MITF: variants seen among roughly 807,000 people sequenced by gnomAD.
MITF encodes microphthalmia-associated transcription factor.
A neutral mutation model predicts 60.5 loss-of-function variants in MITF; 17 were observed. That is an observed-to-expected ratio of 0.28 (90% CI 0.19 to 0.42). MITF has a LOEUF of 0.42. MITF is among the 10% of genes least tolerant of loss of function. MITF has a pLI of 1.00. For missense variants in MITF, 622 were observed against 683.5 expected, an observed-to-expected ratio of 0.91 and a Z score of 1.00; for synonymous variants, 260 against 248.5, an observed-to-expected ratio of 1.05 and a Z score of -0.43.
At chr3:69,753,681 A>G (rs895246303) in intron 1 of MITF, among the ~76,000 whole-genome samples, 5 of 151,980 alleles carry the variant, frequency 3.3e-5, no homozygotes, top group Non-Finnish European at 7.3e-5. Flanking sequence ...CATAGAGTCA[A>G]AGGAGATTAT....
chr3:69,801,020 A>G (rs1031084813), intron 1 of MITF, among the ~76,000 whole-genome samples: 3 of 151,846 alleles, frequency 2.0e-5, no homozygotes, highest in Non-Finnish European at 4.4e-5. Context: ...GGGTAATAAC[A>G]ATTCCTCTTT....
At chr3:69,757,535 G>A (rs1704195629) in intron 1 of MITF, among the ~76,000 whole-genome samples, 1 of 152,164 alleles carries the variant, frequency 6.6e-6, no homozygotes, top group African/African-American at 2.4e-5. Context: ...GAAGTGGAAT[G>A]GTGGGATGAG....
In MITF at chr3:69,851,779, A is replaced by G. The variant is rs2107179728; in HGVS notation, c.105-27355A>G. Among the ~76,000 whole-genome samples the G allele has an allele frequency of 1.3e-5, 2 of 152,300 alleles. 1 individual carries two copies. Among genetic ancestry groups the G allele is most frequent in the Non-Finnish European group, 2.9e-5 (2 of 68,022 alleles). On this transcript the variant is annotated intron_variant, in intron 1 of 9. Coordinates refer to ENST00000352241, the MANE Select transcript of MITF (RefSeq NM_001354604.2). ...ATCTCAAAACTCGAACGGAAGGTGA[A>G]TTTTAGTGTATCTAAATAAAAGTAA...
chr3:69,930,911 G>A (rs769786489), intron 2 of MITF, among the ~76,000 whole-genome samples: 12 of 152,158 alleles, frequency 7.9e-5, no homozygotes, highest in Non-Finnish European at 1.8e-4. Flanking sequence ...CTCTCAGATG[G>A]GAACAACTCA....
intron 1 of MITF, among the ~76,000 whole-genome samples, chr3:69,751,456 T>C (rs1010659653): frequency 5.3e-5 from 8 of 152,028 alleles, no homozygotes; most frequent in African/African-American, 1.9e-4. Flanking sequence ...AAGGCCAATG[T>C]CATGTAACAC....
At chr3:69,769,891 C>G (rs1255511229) in intron 1 of MITF, 3 of 152,190 alleles carry the variant, frequency 2.0e-5, no homozygotes, top group African/African-American at 7.2e-5. Context: ...TAATTGTTTA[C>G]TATAACTTTG....
chr3:69,796,777 A>G (rs1198783830), intron 1 of MITF, among the ~76,000 whole-genome samples: 1 of 152,152 alleles, frequency 6.6e-6, no homozygotes, highest in Non-Finnish European at 1.5e-5. Flanking sequence ...AAGTGCAAAC[A>G]CCGTCTTTCT....
At chr3:69,847,699 TG>T (rs950398117) in intron 1 of MITF, among the ~76,000 whole-genome samples, 4 of 152,370 alleles carry the variant, frequency 2.6e-5, no homozygotes, top group African/African-American at 9.6e-5. Flanking sequence ...TTCTTTCACA[TG>T]GAACAGGTTT....
intron 1 of MITF, chr3:69,838,695 G>T (rs2063578174): frequency 6.6e-6 from 1 of 152,626 alleles, no homozygotes; most frequent in African/African-American, 2.4e-5. Flanking sequence ...CTGACTAGTT[G>T]CTCTCTGCAT....
intron 1 of MITF, among the ~76,000 whole-genome samples, chr3:69,839,422 G>A (rs113652419): frequency 0.012 from 1,872 of 150,842 alleles, 41 homozygotes; most frequent in African/African-American, 0.042. Flanking sequence ...CTTTTTAAAG[G>A]CAGTTTTCAT....
intron 1 of MITF, among the ~76,000 whole-genome samples, chr3:69,741,111 G>A (rs932212922): frequency 1.3e-5 from 2 of 152,170 alleles, no homozygotes; most frequent in African/African-American, 4.8e-5. Flanking sequence ...CTAAGCAGTT[G>A]GACGTATAAA....
chr3:69,802,778 G>A (rs1448296141), intron 1 of MITF, among the ~76,000 whole-genome samples: 3 of 132,576 alleles, frequency 2.3e-5, no homozygotes, highest in African/African-American at 8.5e-5. Flanking sequence ...TGCAATCTCC[G>A]CCTCCTAGGT....
At chr3:69,947,434 AAC>A (rs1283014909) in intron 5 of MITF, among the ~76,000 whole-genome samples, 1 of 152,182 alleles carries the variant, frequency 6.6e-6, no homozygotes, top group Non-Finnish European at 1.5e-5. Flanking sequence ...AATAAAACTA[AAC>A]ACACACAGAG....
intron 1 of MITF, among the ~76,000 whole-genome samples, chr3:69,871,390 G>A (rs2107248112): frequency 6.6e-6 from 1 of 152,298 alleles, no homozygotes; most frequent in African/African-American, 2.4e-5. Flanking sequence ...CATGTCTGGA[G>A]GTAGTGACAA....
chr3:69,905,503 G>A (rs938365837), intron 2 of MITF, among the ~76,000 whole-genome samples: 3 of 152,022 alleles, frequency 2.0e-5, no homozygotes, highest in Non-Finnish European at 4.4e-5. Flanking sequence ...ATATTTGGGA[G>A]TGAAACAGCT....
chr3:69,896,573 A>G (rs1257094955), intron 2 of MITF, among the ~76,000 whole-genome samples: 1 of 152,160 alleles, frequency 6.6e-6, no homozygotes, highest in Non-Finnish European at 1.5e-5. Context: ...GATTGTTGTT[A>G]TTCGTGCTCC....
At chr3:69,938,764 T>A in intron 3 of MITF, 1 of 1,324,128 alleles carries the variant, frequency 7.6e-7, no homozygotes, top group Non-Finnish European at 9.6e-7. Context: ...ATGAGCTTCA[T>A]CTCAATGGGA....
At chr3:69,950,316 AAAC>A (rs918326088) in intron 6 of MITF, among the ~76,000 whole-genome samples, 75 of 151,650 alleles carry the variant, frequency 4.9e-4, no homozygotes, top group African/African-American at 1.3e-3. Context: ...AAACAAAACA[AAAC>A]AACAACAACA....
chr3:69,834,782 A>G (rs146519943), intron 1 of MITF, among the ~76,000 whole-genome samples: 1 of 150,766 alleles, frequency 6.6e-6, no homozygotes, highest in Non-Finnish European at 1.5e-5. Flanking sequence ...CTAATTTACA[A>G]TCTCTCTAAC....
Sources: allele counts gnomAD v4.1 joint callset (sites outside exome capture counted in the v4.1 genomes callset), GRCh38; gene constraint gnomAD v4.1.1; transcripts MANE v1.5; gene names NCBI Gene and HGNC (gene_info 2026-07-23, HGNC 2026-07-21).